The following CIMIP4 variants were observed in gnomAD, a reference collection of about 807,000 sequenced individuals.
The protein encoded by CIMIP4 is ciliary microtubule inner protein 4.
At chr22:36,998,269 A>G in the CIMIP4 span, among the ~76,000 whole-genome samples, 1 of 152,224 alleles carries the variant, frequency 6.6e-6, no homozygotes, top group Non-Finnish European at 1.5e-5. Flanking sequence ...GAGAACAAGC[A>G]GAACTGTATT....
chr22:36,994,200 G>A, the CIMIP4 span, among the ~76,000 whole-genome samples: 2 of 152,168 alleles, frequency 1.3e-5, no homozygotes, highest in Middle Eastern at 3.2e-3. Context: ...ACATATTTTA[G>A]TAACTAATAG....
the CIMIP4 span, chr22:37,002,295 T>C: frequency 7.1e-7 from 1 of 1,409,370 alleles, no homozygotes; most frequent in Non-Finnish European, 9.3e-7. Context: ...CTGGTGAAAG[T>C]GGTTGTACCT....
the CIMIP4 span, chr22:37,001,834 C>A: frequency 6.4e-7 from 1 of 1,568,824 alleles, no homozygotes; most frequent in African/African-American, 1.4e-5. Context: ...CCTGCTATGA[C>A]ACCTGCTCCT....
chr22:37,001,510 C>G, the CIMIP4 span, among the ~76,000 whole-genome samples: 19 of 152,198 alleles, frequency 1.2e-4, no homozygotes, highest in South Asian at 4.2e-4. Flanking sequence ...CATTAAGGAT[C>G]AGAGTTCCAG....
the CIMIP4 span, among the ~76,000 whole-genome samples, chr22:37,003,279 T>A: frequency 6.6e-6 from 1 of 152,172 alleles, no homozygotes; most frequent in Admixed American, 6.5e-5. Context: ...TGAATCTGAG[T>A]GTTTAACAAG....
At chr22:36,996,524 A>G in the CIMIP4 span, among the ~76,000 whole-genome samples, 1 of 152,198 alleles carries the variant, frequency 6.6e-6, no homozygotes, top group Non-Finnish European at 1.5e-5. Context: ...TGTTACTGAG[A>G]GATATCGAAG....
chr22:37,003,594 C>T, the CIMIP4 span, among the ~76,000 whole-genome samples: 1 of 152,214 alleles, frequency 6.6e-6, no homozygotes, highest in Non-Finnish European at 1.5e-5. Context: ...ACTACCCCTG[C>T]TCTTGGCTCA....
At chr22:36,999,621 C>G in the CIMIP4 span, among the ~76,000 whole-genome samples, 2 of 135,204 alleles carry the variant, frequency 1.5e-5, no homozygotes, top group African/African-American at 5.7e-5. Flanking sequence ...TGCCTGACTG[C>G]CAACTGGGAT....
At chr22:37,000,000 G>A in the CIMIP4 span, 2 of 1,603,698 alleles carry the variant, frequency 1.2e-6, no homozygotes, top group South Asian at 2.2e-5. Context: ...CAGGGAGGCA[G>A]GGATGACAGA....
chr22:37,000,307 T>C, the CIMIP4 span, among the ~76,000 whole-genome samples: 4 of 152,140 alleles, frequency 2.6e-5, no homozygotes, highest in African/African-American at 4.8e-5. Context: ...ATTTTATAAA[T>C]GAGGAAAGCG....
chr22:36,997,337 C>A, the CIMIP4 span, among the ~76,000 whole-genome samples: 10 of 152,254 alleles, frequency 6.6e-5, no homozygotes, highest in African/African-American at 9.6e-5. Flanking sequence ...CCCCTGGCAG[C>A]TTCTCTAATT....
chr22:36,991,396 T>C, the CIMIP4 span: 8 of 1,565,422 alleles, frequency 5.1e-6, no homozygotes, highest in Admixed American at 6.7e-5. Context: ...TCTCCTGCTC[T>C]GGTTTCTCTC....
At chr22:37,003,237 A>T in the CIMIP4 span, among the ~76,000 whole-genome samples, 1 of 152,168 alleles carries the variant, frequency 6.6e-6, no homozygotes, top group African/African-American at 2.4e-5. Flanking sequence ...GATGCCTGGG[A>T]CCCTCTCAGA....
the CIMIP4 span, among the ~76,000 whole-genome samples, chr22:37,002,544 G>C: frequency 7.4e-4 from 112 of 152,292 alleles, no homozygotes; most frequent in African/African-American, 2.6e-3. Flanking sequence ...TGCCTCCCAC[G>C]GGCAGGGTTA....
At chr22:36,991,836 A>AT in the CIMIP4 span, among the ~76,000 whole-genome samples, 17,705 of 152,098 alleles carry the variant, frequency 0.12, 1,296 homozygotes, top group African/African-American at 0.2. Context: ...AAGAAATGAG[A>AT]TTTTTTTGCA....
chr22:36,999,773 G>A, the CIMIP4 span: 2 of 1,557,226 alleles, frequency 1.3e-6, no homozygotes, highest in Non-Finnish European at 1.7e-6. Flanking sequence ...AACCCCAAAG[G>A]CCTTCCCTGC....
the CIMIP4 span, chr22:37,001,744 G>A: frequency 1.6e-6 from 2 of 1,267,462 alleles, no homozygotes; most frequent in South Asian, 1.6e-5. Flanking sequence ...CTTTCTAGTG[G>A]TATTATTATA....
chr22:36,997,707 C>G, the CIMIP4 span, among the ~76,000 whole-genome samples: 7 of 152,328 alleles, frequency 4.6e-5, no homozygotes, highest in Admixed American at 4.6e-4. Context: ...CTGAGCCAAA[C>G]AGGGCCATTC....
At chr22:37,002,190 G>C in the CIMIP4 span, 3 of 1,487,634 alleles carry the variant, frequency 2.0e-6, no homozygotes, top group East Asian at 7.4e-5. Context: ...GGGGATGACA[G>C]ACCCTGGTTC....
Sources: gnomAD v4.1 joint callset for allele counts (sites outside exome capture counted in the v4.1 genomes callset) on GRCh38, gnomAD v4.1.1 for gene constraint, MANE v1.5 for transcripts, NCBI Gene and HGNC (gene_info 2026-07-23, HGNC 2026-07-21) for gene names.